Variants in TMEM117 observed in about 807,000 individuals in gnomAD.
TMEM117 encodes transmembrane protein 117.
Under a neutral mutation model 52.4 loss-of-function variants are expected in TMEM117, and 27 were observed. The ratio of observed to expected loss-of-function variants is 0.51; its 90% CI spans 0.38 to 0.71. The LOEUF is 0.71. Ranked by LOEUF, TMEM117 falls within the 30% of genes least tolerant of loss-of-function variation. The pLI is 0.00. For missense variants in TMEM117, 556 were observed against 630.5 expected (o/e 0.88, Z 1.26); for synonymous variants, 215 against 206.3 (o/e 1.04, Z -0.36).
the TMEM117 span, among the ~76,000 whole-genome samples, chr12:43,829,959 G>C: frequency 6.6e-6 from 1 of 151,504 alleles, no homozygotes; most frequent in South Asian, 2.1e-4. Flanking sequence ...GTGGTGGTGC[G>C]TGCCGATAGT....
intron 2 of TMEM117, among the ~76,000 whole-genome samples, chr12:43,849,218 T>C (rs1052157218): frequency 8.5e-5 from 13 of 152,118 alleles, no homozygotes; most frequent in Admixed American, 3.9e-4. Flanking sequence ...TTTCCAAAAA[T>C]GGATGGAGAG....
intron 4 of TMEM117, among the ~76,000 whole-genome samples, chr12:44,147,931 CAA>C (rs61271123): frequency 3.1e-4 from 19 of 61,754 alleles, no homozygotes; most frequent in Admixed American, 9.1e-4. Context: ...GACTCTGTCT[CAA>C]AAAAAAAAAA....
chr12:44,257,344 T>A (rs915664926), intron 5 of TMEM117, among the ~76,000 whole-genome samples: 15 of 151,960 alleles, frequency 9.9e-5, no homozygotes, highest in African/African-American at 3.6e-4. Context: ...TATATATAGG[T>A]GTCCACTCCA....
chr12:44,370,178 G>T (rs1442081367), intron 6 of TMEM117, among the ~76,000 whole-genome samples: 1 of 152,070 alleles, frequency 6.6e-6, no homozygotes, highest in Admixed American at 6.6e-5. Context: ...TGACTAAAAG[G>T]GTGACTTGGT....
At chr12:43,819,837 G>T in the TMEM117 span, among the ~76,000 whole-genome samples, 1 of 151,886 alleles carries the variant, frequency 6.6e-6, no homozygotes, top group Non-Finnish European at 1.5e-5. Context: ...AGGAAGGAGG[G>T]AAGGAAGGGG....
intron 2 of TMEM117, among the ~76,000 whole-genome samples, chr12:43,908,809 T>C (rs1362442627): frequency 1.3e-5 from 2 of 150,866 alleles, no homozygotes; most frequent in African/African-American, 4.9e-5. Context: ...ATCCTAAATA[T>C]ATATGCACCC....
intron 3 of TMEM117, among the ~76,000 whole-genome samples, chr12:44,130,691 T>C (rs1948400053): frequency 6.6e-6 from 1 of 152,130 alleles, no homozygotes; most frequent in Admixed American, 6.5e-5. Flanking sequence ...TAAATATAGA[T>C]AGAATTTTGT....
chr12:43,872,395 A>G (rs1377309744), intron 2 of TMEM117, among the ~76,000 whole-genome samples: 1 of 152,220 alleles, frequency 6.6e-6, no homozygotes, highest in Non-Finnish European at 1.5e-5. Flanking sequence ...CAGAAAAGCT[A>G]TGATGAAGGC....
intron 5 of TMEM117, among the ~76,000 whole-genome samples, chr12:44,297,953 A>G (rs1397442608): frequency 1.3e-5 from 2 of 152,184 alleles, no homozygotes; most frequent in African/African-American, 4.8e-5. Flanking sequence ...AGCAGGAGAC[A>G]ATCTGTATTT....
chr12:43,953,622 C>T (rs1463323935), intron 3 of TMEM117, among the ~76,000 whole-genome samples: 1 of 152,042 alleles, frequency 6.6e-6, no homozygotes, highest in Non-Finnish European at 1.5e-5. Context: ...ATATATGCAC[C>T]CAATACAGGA....
chr12:44,095,116 G>C (rs1947736195), intron 3 of TMEM117, among the ~76,000 whole-genome samples: 1 of 152,048 alleles, frequency 6.6e-6, no homozygotes, highest in Admixed American at 6.6e-5. Context: ...TGCTTCTGTA[G>C]TGAAAAGCAC....
intron 2 of TMEM117, among the ~76,000 whole-genome samples, chr12:43,846,669 C>G (rs1446625597): frequency 1.3e-5 from 2 of 151,998 alleles, no homozygotes; most frequent in East Asian, 3.9e-4. Context: ...ACTCTGTATG[C>G]AATGGGGGAA....
intron 3 of TMEM117, among the ~76,000 whole-genome samples, chr12:44,031,459 T>A (rs1219571882): frequency 6.6e-6 from 1 of 152,210 alleles, no homozygotes; most frequent in Non-Finnish European, 1.5e-5. Context: ...AGGTTTCTGA[T>A]AACTTTGGAA....
intron 3 of TMEM117, among the ~76,000 whole-genome samples, chr12:43,985,416 C>T (rs1271457504): frequency 1.3e-5 from 2 of 152,054 alleles, no homozygotes; most frequent in African/African-American, 2.4e-5. Flanking sequence ...CAAAGAAACA[C>T]TGAAAAACAA....
At chr12:44,293,969 AT>A (rs1369323812) in intron 5 of TMEM117, among the ~76,000 whole-genome samples, 1 of 152,164 alleles carries the variant, frequency 6.6e-6, no homozygotes, top group Non-Finnish European at 1.5e-5. Flanking sequence ...TACCTTCAGC[AT>A]TCTTTTAAAA....
At chr12:43,848,370 AAGAC>A (rs1943247963) in intron 2 of TMEM117, among the ~76,000 whole-genome samples, 1 of 152,138 alleles carries the variant, frequency 6.6e-6, no homozygotes, top group African/African-American at 2.4e-5. Flanking sequence ...TCAACTGCAC[AAGAC>A]AGACATTCCC....
intron 5 of TMEM117, among the ~76,000 whole-genome samples, chr12:44,286,836 G>A (rs1310264750): frequency 6.6e-6 from 1 of 152,062 alleles, no homozygotes; most frequent in African/African-American, 2.4e-5. Context: ...TTATATTTTT[G>A]AGAATTTGTG....
rs528044330 is a variant in TMEM117, at chr12:44,263,643, C to T, written c.609-35937C>T. 9.2e-5 allele frequency: 14 copies of T among 152,210 alleles called. No homozygotes were observed. In the South Asian group the frequency reaches 1.5e-3, roughly 16 times the overall value. 9.4% of individuals were successfully genotyped at this position (152,210 alleles called of 1,614,324 possible). On this transcript the variant is annotated intron_variant, in intron 5 of 7. Transcript: ENST00000266534. Reference sequence around the variant, plus strand: ...TCCTTACAGAATTGTTTTTAAAAAACGAAATAACTTCTTCATTTGTTATTT... The same window carrying T: ...TCCTTACAGAATTGTTTTTAAAAAATGAAATAACTTCTTCATTTGTTATTT...
intron 4 of TMEM117, among the ~76,000 whole-genome samples, chr12:44,148,562 T>C (rs149138370): frequency 9.6e-4 from 147 of 152,332 alleles, no homozygotes; most frequent in African/African-American, 3.5e-3. Flanking sequence ...TGACAATTTT[T>C]GCTGTCTTAT....
Sources: gnomAD v4.1 joint callset for allele counts (sites outside exome capture counted in the v4.1 genomes callset) on GRCh38, gnomAD v4.1.1 for gene constraint, MANE v1.5 for transcripts, NCBI Gene and HGNC (gene_info 2026-07-23, HGNC 2026-07-21) for gene names.